MFSD11: variants seen among roughly 807,000 people sequenced by gnomAD.
MFSD11 encodes major facilitator superfamily domain containing 11.
MFSD11 carries 36 observed loss-of-function variants against 53.5 expected under a neutral mutation model. The ratio of observed to expected loss-of-function variants is 0.67; its 90% CI spans 0.52 to 0.89. MFSD11 has a LOEUF of 0.89. Ranked by LOEUF, MFSD11 falls within the 40% of genes least tolerant of loss-of-function variation. MFSD11 has a pLI of 0.00. For synonymous variants in MFSD11, 186 were observed against 184.9 expected, an observed-to-expected ratio of 1.01 and a Z score of -0.05; for missense variants, 530 against 543.9, an observed-to-expected ratio of 0.97 and a Z score of 0.25.
intron 7 of MFSD11, among the ~76,000 whole-genome samples, chr17:76,744,841 G>C (rs535631319): frequency 2.0e-5 from 3 of 152,336 alleles, no homozygotes; most frequent in East Asian, 3.9e-4. Context: ...CTGTGATCCA[G>C]CTCTAAAGCT....
At chr17:76,757,377 G>T (rs535031655) in intron 8 of MFSD11, among the ~76,000 whole-genome samples, 156 of 152,306 alleles carry the variant, frequency 1.0e-3, no homozygotes, top group Non-Finnish European at 1.7e-3. Flanking sequence ...TCAGGGGCCA[G>T]TTCCTGGGCA....
chr17:76,774,960 GC>G (rs775442578), intron 10 of MFSD11, 36 bp from the exon 11 acceptor site: 2 of 1,594,336 alleles, frequency 1.3e-6, no homozygotes, highest in Non-Finnish European at 1.7e-6. Context: ...TGATGTTTCG[GC>G]AACATTAGTG....
At chr17:76,781,936 C>G (rs559429609), downstream of MFSD11, among the ~76,000 whole-genome samples, 1 of 152,022 alleles carries the variant, frequency 6.6e-6, no homozygotes, top group Non-Finnish European at 1.5e-5. Context: ...ATATTCCGGC[C>G]TCAGTCTCCC....
At position 76,778,362 on chromosome 17, in the gene MFSD11, C is replaced by G; in HGVS notation, c.*10C>G. 1.2e-6 allele frequency: 2 copies of G among 1,613,822 alleles called. No homozygotes were observed. The highest frequency in any genetic ancestry group is 1.1e-5 in the South Asian group (1 of 91,058). ...CTACCGAAGTATCTGATCTGGTGTC[C>G]GTGAGGGGACACGTATGACCTCAGA... On this transcript the variant is annotated 3_prime_UTR_variant, in exon 13 of 13. Coordinates refer to ENST00000685175, the MANE Select transcript of MFSD11 (RefSeq NM_001242532.5).
chr17:76,782,586 C>G (rs1016429710), downstream of MFSD11, among the ~76,000 whole-genome samples: 21 of 140,404 alleles, frequency 1.5e-4, no homozygotes, highest in Non-Finnish European at 3.0e-4. Flanking sequence ...TCAAGCAGTT[C>G]TCCTGCCTCA....
In MFSD11 at chr17:76,756,686, C is replaced by T. The variant is rs1232611997; in HGVS notation, c.682+2599C>T. 4.0e-5 allele frequency among the ~76,000 whole-genome samples: 6 copies of T among 151,824 alleles called. No individual in the cohort carries two copies. The East Asian group carries it at 1.2e-3, about 30-fold the overall frequency. ...GACCAGCCTGGCCAACATGGTGAAA[C>T]CCATCTCTACTGAAAATACAAAAAT... On this transcript the variant is annotated intron_variant, in intron 8 of 12. Transcript: ENST00000685175.
At chr17:76,782,505 G>A (rs1002471123), downstream of MFSD11, among the ~76,000 whole-genome samples, 9 of 93,990 alleles carry the variant, frequency 9.6e-5, no homozygotes, top group African/African-American at 3.7e-4. Flanking sequence ...TTGAGACAGA[G>A]TCTTGCTCTG....
chr17:76,753,332 T>A (rs1416159429), intron 7 of MFSD11, among the ~76,000 whole-genome samples: 1 of 152,068 alleles, frequency 6.6e-6, no homozygotes. Context: ...TTTTTCATAG[T>A]AAGGGCGGTA....
intron 8 of MFSD11, among the ~76,000 whole-genome samples, chr17:76,764,747 A>G (rs78452984): frequency 0.025 from 3,795 of 152,280 alleles, 156 homozygotes; most frequent in African/African-American, 0.086. Flanking sequence ...GAGTGCAGCT[A>G]TCACTTTGAG....
At chr17:76,796,300 G>C in the MFSD11 span, among the ~76,000 whole-genome samples, 1 of 152,226 alleles carries the variant, frequency 6.6e-6, no homozygotes, top group African/African-American at 2.4e-5. Context: ...TGACTTTAGT[G>C]AAGTTCCCAC....
intron 7 of MFSD11, chr17:76,745,463 T>G (rs2078448375): frequency 6.6e-6 from 1 of 152,238 alleles, no homozygotes. Context: ...TCCATACCAC[T>G]TTTCCAACAG....
intron 10 of MFSD11, chr17:76,773,131 CAGG>C (rs1315755942): frequency 6.6e-6 from 1 of 152,290 alleles, no homozygotes; most frequent in Non-Finnish European, 1.5e-5. Flanking sequence ...GCTGAAGACT[CAGG>C]GGGACTGTCT....
downstream of MFSD11, chr17:76,781,057 A>G (rs540700718): frequency 2.0e-5 from 3 of 152,300 alleles, no homozygotes; most frequent in South Asian, 6.2e-4. Context: ...TGGGTCGGGA[A>G]TCTGCGCATG....
chr17:76,771,982 G>A (rs1324638706), intron 10 of MFSD11, among the ~76,000 whole-genome samples: 1 of 152,170 alleles, frequency 6.6e-6, no homozygotes, highest in Non-Finnish European at 1.5e-5. Context: ...TAAATGGCGG[G>A]CGAAGCTTAG....
chr17:76,775,869 A>G (rs1392088753), intron 11 of MFSD11, among the ~76,000 whole-genome samples: 1 of 152,196 alleles, frequency 6.6e-6, no homozygotes, highest in Non-Finnish European at 1.5e-5. Flanking sequence ...CTCAACCTGC[A>G]TTTTCTTCAC....
downstream of MFSD11, among the ~76,000 whole-genome samples, chr17:76,784,213 AAAC>A (rs2082237853): frequency 1.3e-5 from 2 of 152,228 alleles, no homozygotes; most frequent in African/African-American, 4.8e-5. Context: ...CAAAAAGTCA[AAAC>A]AACTCAAGTT....
At position 76,763,784 on chromosome 17, in the gene MFSD11, T is replaced by TA. The variant is rs557824516; in HGVS notation, c.683-3590dup. The stretch of plus-strand genomic sequence containing the variant: ...ATAGTATCTTTTGAAGCACAAAACT[T>TA]AAAAAAAAAAAATTCCCCCAACTTT... On this transcript the variant is annotated intron_variant, in intron 8 of 12. Transcript: ENST00000685175. Among the ~76,000 whole-genome samples the TA allele has an allele frequency of 8.6e-4, 126 of 145,820 alleles. 1 individual carries two copies. In the East Asian group the frequency reaches 0.015, roughly 17 times the overall value.
intron 10 of MFSD11, among the ~76,000 whole-genome samples, chr17:76,773,710 C>T (rs751545584): frequency 6.6e-6 from 1 of 152,036 alleles, no homozygotes; most frequent in Non-Finnish European, 1.5e-5. Context: ...TGGGTTCAAG[C>T]GATTCTCCTG....
chr17:76,782,466 C>T (rs536729867), downstream of MFSD11, among the ~76,000 whole-genome samples: 12 of 133,984 alleles, frequency 9.0e-5, no homozygotes, highest in South Asian at 2.3e-3. Context: ...TGAGCCACCG[C>T]GCCCAGGCTT....
Sources: allele counts gnomAD v4.1 joint callset (sites outside exome capture counted in the v4.1 genomes callset), GRCh38; gene constraint gnomAD v4.1.1; transcripts MANE v1.5; gene names NCBI Gene and HGNC (gene_info 2026-07-23, HGNC 2026-07-21).